Variants in ZNF536 observed in about 807,000 individuals in gnomAD.
ZNF536 encodes zinc finger protein 536.
Under a neutral mutation model 84.5 loss-of-function variants are expected in ZNF536, and 13 were observed. The observed-to-expected ratio is 0.15, with a 90% CI of 0.10 to 0.24. The LOEUF is 0.24. Ranked by LOEUF, ZNF536 falls within the 10% of genes least tolerant of loss-of-function variation. ZNF536 has a pLI of 1.00. For synonymous variants in ZNF536, 811 were observed against 742.5 expected, an observed-to-expected ratio of 1.09 and a Z score of -1.50; for missense variants, 1,536 against 1,747.5, an observed-to-expected ratio of 0.88 and a Z score of 2.16.
intron 2 of ZNF536, among the ~76,000 whole-genome samples, chr19:30,462,615 G>A (rs1375119945): frequency 1.3e-5 from 2 of 152,254 alleles, no homozygotes; most frequent in African/African-American, 2.4e-5. Flanking sequence ...GTGGTTATTG[G>A]GAAGTGTTAG....
chr19:30,492,056 A>T (rs991835606), intron 2 of ZNF536, among the ~76,000 whole-genome samples: 3 of 139,756 alleles, frequency 2.1e-5, no homozygotes, highest in African/African-American at 7.8e-5. Flanking sequence ...ATATATGTAC[A>T]TAGGCGATGG....
At chr19:30,482,714 T>A (rs1349710372) in intron 2 of ZNF536, among the ~76,000 whole-genome samples, 4 of 152,210 alleles carry the variant, frequency 2.6e-5, no homozygotes, top group African/African-American at 9.7e-5. Context: ...TGTATTTTCC[T>A]CCCCATTAGG....
At chr19:30,644,478 T>G (rs1464522215) in intron 1 of ZNF536, among the ~76,000 whole-genome samples, 2 of 152,168 alleles carry the variant, frequency 1.3e-5, no homozygotes, top group Non-Finnish European at 2.9e-5. Context: ...AACTCGTCAT[T>G]TAGCATTAGG....
chr19:30,514,935 C>G (rs1453522492), intron 2 of ZNF536, among the ~76,000 whole-genome samples: 2 of 152,036 alleles, frequency 1.3e-5, no homozygotes, highest in African/African-American at 4.8e-5. Context: ...TCAGTTTTCT[C>G]ATCTGTACAT....
intron 2 of ZNF536, among the ~76,000 whole-genome samples, chr19:30,532,207 G>A (rs1427244238): frequency 6.6e-6 from 1 of 151,816 alleles, no homozygotes; most frequent in East Asian, 1.9e-4. Flanking sequence ...TCAGCTCACC[G>A]CAACCTCCAC....
At chr19:30,653,699 A>G (rs2049797523) in intron 1 of ZNF536, among the ~76,000 whole-genome samples, 1 of 149,302 alleles carries the variant, frequency 6.7e-6, no homozygotes, top group Non-Finnish European at 1.5e-5. Flanking sequence ...CTCCCTTAGG[A>G]GCAGGTGATG....
chr19:30,707,177 G>A (rs1465299148), intron 1 of ZNF536, among the ~76,000 whole-genome samples: 3 of 152,038 alleles, frequency 2.0e-5, no homozygotes, highest in East Asian at 3.9e-4. Flanking sequence ...CGATCTACTT[G>A]GAACTCACTC....
chr19:30,420,849 C>T (rs1007096412), intron 1 of ZNF536, among the ~76,000 whole-genome samples: 11 of 152,166 alleles, frequency 7.2e-5, no homozygotes, highest in African/African-American at 2.7e-4. Flanking sequence ...TCTTTATCTT[C>T]AGAGGAAAAG....
intron 1 of ZNF536, among the ~76,000 whole-genome samples, chr19:30,388,845 G>A (rs2049457263): frequency 6.6e-6 from 1 of 152,198 alleles, no homozygotes; most frequent in Non-Finnish European, 1.5e-5. Flanking sequence ...CACTTTCCAG[G>A]CTTAAAATCA....
intron 2 of ZNF536, among the ~76,000 whole-genome samples, chr19:30,309,391 C>G (rs1852190201): frequency 6.6e-6 from 1 of 152,214 alleles, no homozygotes; most frequent in African/African-American, 2.4e-5. Context: ...GGTCACATTA[C>G]TGTGCTGTCT....
At chr19:30,524,593 C>T (rs879816104) in intron 2 of ZNF536, among the ~76,000 whole-genome samples, 15 of 152,128 alleles carry the variant, frequency 9.9e-5, no homozygotes, top group African/African-American at 1.4e-4. Context: ...AACTCAACTC[C>T]GCAAGTTATA....
At chr19:30,505,138 A>G (rs1210723410) in intron 2 of ZNF536, among the ~76,000 whole-genome samples, 2 of 151,524 alleles carry the variant, frequency 1.3e-5, no homozygotes, top group African/African-American at 4.8e-5. Flanking sequence ...AAACATGTCA[A>G]AAGCCCCCCA....
At chr19:30,341,096 C>G (rs1250218918) in intron 2 of ZNF536, among the ~76,000 whole-genome samples, 1 of 152,208 alleles carries the variant, frequency 6.6e-6, no homozygotes. Flanking sequence ...AATCATAAAA[C>G]AGATGGAAGC....
intron 2 of ZNF536, among the ~76,000 whole-genome samples, chr19:30,522,941 C>A (rs893622043): frequency 1.3e-5 from 2 of 152,194 alleles, no homozygotes; most frequent in African/African-American, 4.8e-5. Context: ...CGACCTGCCG[C>A]TTCATCTGTG....
intron 1 of ZNF536, among the ~76,000 whole-genome samples, chr19:30,435,661 T>C (rs2148035134): frequency 6.6e-6 from 1 of 152,262 alleles, no homozygotes; most frequent in East Asian, 1.9e-4. Context: ...GGACAGTCCA[T>C]AGTCTTAACA....
chr19:30,229,094 C>G (rs1438688309), intron 1 of ZNF536, among the ~76,000 whole-genome samples: 3 of 152,038 alleles, frequency 2.0e-5, no homozygotes, highest in Non-Finnish European at 4.4e-5. Context: ...AATGCTTCCC[C>G]CATTATTCTA....
chr19:30,621,354 G>GCCAGAATTTTCATT lies in ZNF536; in HGVS notation c.169+71846_169+71859dup, dbSNP rs1178170992. ...ACTGACCTTCCTTCTCACATATCGT[G>GCCAGAATTTTCATT]CCAGAATTTTCATTCCAGAGTTTTA... On this transcript the variant is annotated intron_variant, in intron 1 of 1. Transcript: ENST00000592773. 1.3e-4 allele frequency among the ~76,000 whole-genome samples: 20 copies of GCCAGAATTTTCATT among 152,174 alleles called. 2 individuals are homozygous for GCCAGAATTTTCATT. Among genetic ancestry groups the GCCAGAATTTTCATT allele is most frequent in the Middle Eastern group, 3.4e-3 (1 of 294 alleles).
At chr19:30,446,841 A>ACAACAACAACAACAC (rs150427729) in intron 2 of ZNF536, among the ~76,000 whole-genome samples, 187 of 147,070 alleles carry the variant, frequency 1.3e-3, no homozygotes, top group African/African-American at 3.2e-3. Flanking sequence ...AACAACAACA[A>ACAACAACAACAACAC]AACACGCTAG....
intron 2 of ZNF536, chr19:30,300,759 C>G (rs576618584): frequency 6.6e-6 from 1 of 152,120 alleles, no homozygotes; most frequent in African/African-American, 2.4e-5. Context: ...AGTAATTTGC[C>G]GAAGAAATAC....
Sources: allele counts gnomAD v4.1 joint callset (sites outside exome capture counted in the v4.1 genomes callset), GRCh38; gene constraint gnomAD v4.1.1; transcripts MANE v1.5; gene names NCBI Gene and HGNC (gene_info 2026-07-23, HGNC 2026-07-21).